CAPN8: variants seen among roughly 807,000 people sequenced by gnomAD.
CAPN8 encodes the protein calpain-8.
In CAPN8, 87 loss-of-function variants were observed where a neutral mutation model predicts 80.9. That is an observed-to-expected ratio of 1.07 (90% CI 0.90 to 1.28). The LOEUF is 1.28. Among genes scored for constraint, CAPN8 ranks in the 50% most tolerant of loss-of-function variants. The pLI, the probability that CAPN8 is intolerant of heterozygous loss-of-function variation, is 0.00. For synonymous variants in CAPN8, 299 were observed against 273.8 expected, an observed-to-expected ratio of 1.09 and a Z score of -0.91; for missense variants, 757 against 702.0, an observed-to-expected ratio of 1.08 and a Z score of -0.89.
chr1:223,643,780 T>C (rs1658108629), intron 2 of CAPN8, among the ~76,000 whole-genome samples: 2 of 152,146 alleles, frequency 1.3e-5, no homozygotes, highest in Admixed American at 6.5e-5. Flanking sequence ...CCGACTGGCA[T>C]GCAGAAAGTC....
At chr1:223,626,129 C>T (rs1382631347) in intron 5 of CAPN8, among the ~76,000 whole-genome samples, 2 of 152,174 alleles carry the variant, frequency 1.3e-5, no homozygotes, top group Admixed American at 1.3e-4. Flanking sequence ...TACCAGCCTT[C>T]AAAATGCCAC....
At position 223,612,264 on chromosome 1, in the gene CAPN8, G is replaced by A. The variant is rs989428171; in HGVS notation, c.1312-7C>T. The A allele has an allele frequency of 4.1e-6, 5 of 1,234,128 alleles. No homozygotes were observed. In the African/African-American group the frequency reaches 6.2e-5, roughly 15 times the overall value. 76.4% of individuals were successfully genotyped at this position (1,234,128 alleles called of 1,614,324 possible). On this transcript the variant is annotated splice_polypyrimidine_tract_variant and splice_region_variant and intron_variant, in intron 10 of 20. Coordinates refer to ENST00000366872, the MANE Select transcript of CAPN8 (RefSeq NM_001143962.2). ...CACATACCTCCTTGGGAACCTGTGG[G>A]GCAGAAGAAAAGAGCAGGTCACCTG...
chr1:223,661,693 G>A (rs961314849), intron 1 of CAPN8, among the ~76,000 whole-genome samples: 1 of 152,146 alleles, frequency 6.6e-6, no homozygotes, highest in Non-Finnish European at 1.5e-5. Context: ...GGAGAAATAG[G>A]AACCCTGTGC....
chr1:223,646,070 C>T (rs1658183537), intron 2 of CAPN8, among the ~76,000 whole-genome samples: 1 of 152,178 alleles, frequency 6.6e-6, no homozygotes, highest in African/African-American at 2.4e-5. Context: ...TCCACTTCTG[C>T]CAGCTGGTGA....
chr1:223,544,750 T>C (rs752359710), intron 18 of CAPN8, 22 bp downstream of exon 18: 1 of 1,551,560 alleles, frequency 6.4e-7, no homozygotes, highest in South Asian at 1.2e-5. Flanking sequence ...CCCAAGACCC[T>C]GTCTACAGGA....
At chr1:223,656,509 T>G (rs1658493533) in intron 1 of CAPN8, among the ~76,000 whole-genome samples, 3 of 151,886 alleles carry the variant, frequency 2.0e-5, no homozygotes, top group African/African-American at 2.4e-5. Context: ...ATTGAAAAAC[T>G]AATACATGAA....
chr1:223,660,860 C>A (rs146228639), intron 1 of CAPN8, among the ~76,000 whole-genome samples: 1 of 152,076 alleles, frequency 6.6e-6, no homozygotes, highest in East Asian at 1.9e-4. Context: ...AAAAAGCAAA[C>A]GACACAATTA....
In CAPN8 at chr1:223,619,289, T is replaced by C; in HGVS notation, c.1135+4A>G. 2 of 1,551,576 alleles carry C rather than the reference T, an allele frequency of 1.3e-6. No individual in the cohort carries two copies. Among genetic ancestry groups the C allele is most frequent in the East Asian group, 2.4e-5 (1 of 40,910 alleles). ...GGTTGGGCCAAGGCAGCCCTTCACCTTACCTGGGTAGTTCTGGCAGCCCCC... is the reference window on the plus strand; with the variant it reads ...GGTTGGGCCAAGGCAGCCCTTCACCCTACCTGGGTAGTTCTGGCAGCCCCC... On this transcript the variant is annotated splice_donor_region_variant and intron_variant, in intron 9 of 20. Transcript: ENST00000366872.
intron 2 of CAPN8, among the ~76,000 whole-genome samples, chr1:223,640,555 C>A (rs1490455915): frequency 6.6e-6 from 1 of 152,142 alleles, no homozygotes; most frequent in Non-Finnish European, 1.5e-5. Context: ...GTTGCTGAAG[C>A]CCAGAAGCCA....
rs192136287 is a variant in CAPN8 at position 223,616,029 on chromosome 1, G to A, written c.1252C>T (p.Arg418Cys). Residue 418 changes from arginine (R) to cysteine (C), a missense_variant, in exon 10 of 21, where the codon CGC becomes TGC. Transcript: ENST00000366872. ...TGTCCTATCCGCTTCCGCCACCTGC[G>A]ATTTTTCTGCATCAGGCCCAGCAGC... ...TVLLGLMQKN[R>C]RWRKRIGQGM... 5.2e-5 allele frequency: 80 copies of A among 1,552,312 alleles called. No individual in the cohort carries two copies. In the Admixed American group the frequency reaches 1.0e-3, roughly 20 times the overall value.
intron 7 of CAPN8, 109 bp downstream of exon 7, chr1:223,622,706 A>G (rs983102333): frequency 1.2e-6 from 1 of 830,646 alleles, no homozygotes; most frequent in Admixed American, 2.0e-5. Context: ...ATCTGCAGAC[A>G]GGACGTGCTG....
intron 1 of CAPN8, among the ~76,000 whole-genome samples, chr1:223,658,617 A>C (rs886491418): frequency 6.6e-6 from 1 of 152,144 alleles, no homozygotes. Flanking sequence ...AGCCCAGCCA[A>C]CGTGGTGAAA....
intron 1 of CAPN8, among the ~76,000 whole-genome samples, chr1:223,662,173 C>T (rs768176096): frequency 5.9e-5 from 9 of 152,042 alleles, no homozygotes; most frequent in African/African-American, 1.9e-4. Flanking sequence ...AAGGGCCAGG[C>T]GCAGTGGCTC....
At chr1:223,613,462 A>G (rs1447349384) in intron 10 of CAPN8, among the ~76,000 whole-genome samples, 2 of 152,216 alleles carry the variant, frequency 1.3e-5, no homozygotes, top group Non-Finnish European at 2.9e-5. Context: ...CTCTGCTGCC[A>G]TCAGTATGCT....
At chr1:223,556,713 G>T (rs1656913513) in intron 13 of CAPN8, among the ~76,000 whole-genome samples, 3 of 152,140 alleles carry the variant, frequency 2.0e-5, no homozygotes, top group East Asian at 3.9e-4. Context: ...GTGCAAGAGG[G>T]GCTTAGGATC....
At chr1:223,646,041 C>T (rs1264351938) in intron 2 of CAPN8, among the ~76,000 whole-genome samples, 4 of 152,304 alleles carry the variant, frequency 2.6e-5, no homozygotes, top group South Asian at 2.1e-4. Context: ...AGACTGCACT[C>T]TGTACAGGGA....
intron 11 of CAPN8, among the ~76,000 whole-genome samples, chr1:223,611,511 C>T: frequency 6.6e-6 from 1 of 152,198 alleles, no homozygotes; most frequent in East Asian, 1.9e-4. Context: ...TGTGGGCTCA[C>T]TGACTATGAG....
intron 2 of CAPN8, among the ~76,000 whole-genome samples, chr1:223,649,792 A>G (rs1386623806): frequency 6.6e-6 from 1 of 152,212 alleles, no homozygotes; most frequent in African/African-American, 2.4e-5. Context: ...CAAAAGTGCA[A>G]CAAACATTTA....
chr1:223,657,981 T>C (rs1379053350), intron 1 of CAPN8, among the ~76,000 whole-genome samples: 1 of 152,128 alleles, frequency 6.6e-6, no homozygotes, highest in Non-Finnish European at 1.5e-5. Flanking sequence ...TCTCCTTGCC[T>C]CTCTGAGCAT....
Sources: gnomAD v4.1 joint callset for allele counts (sites outside exome capture counted in the v4.1 genomes callset) on GRCh38, gnomAD v4.1.1 for gene constraint, MANE v1.5 for transcripts, NCBI Gene and HGNC (gene_info 2026-07-23, HGNC 2026-07-21) for gene names.